HDHD5: variants seen among roughly 807,000 people sequenced by gnomAD.
HDHD5 encodes the protein haloacid dehalogenase-like hydrolase domain-containing 5.
Under a neutral mutation model 35.5 loss-of-function variants are expected in HDHD5, and 34 were observed. That is an observed-to-expected ratio of 0.96 (90% confidence interval 0.73 to 1.28). The LOEUF is 1.28. HDHD5 is among the 50% of genes most tolerant of loss of function. The pLI is 0.00. For synonymous variants in HDHD5, 248 were observed against 240.6 expected (o/e 1.03, Z -0.29); for missense variants, 589 against 560.2 (o/e 1.05, Z -0.52).
upstream of HDHD5, chr22:17,159,694 A>T: frequency 3.3e-6 from 1 of 305,258 alleles, no homozygotes; most frequent in South Asian, 2.3e-5. Context: ...CTGCCAGTCA[A>T]GGGACGCTCG....
intron 4 of HDHD5, chr22:17,143,346 G>A (rs1411726397): frequency 6.1e-6 from 3 of 492,296 alleles, no homozygotes; most frequent in East Asian, 7.2e-5. Flanking sequence ...AGAACAGGCA[G>A]GACACCATGG....
chr22:17,149,777 T>C lies in HDHD5; in HGVS notation c.127-32A>G, dbSNP rs201237956. ...AGATGGTAAGATAATTACCAGTACG[T>C]GAGTAACAAAGAAACAACCCTTACA... On this transcript the variant is annotated intron_variant, in intron 1 of 7. Coordinates refer to ENST00000336737, the MANE Select transcript of HDHD5 (RefSeq NM_033070.3). 1.8e-4 allele frequency: 294 copies of C among 1,590,526 alleles called. No individual in the cohort carries two copies. In the African/African-American group the frequency reaches 3.4e-3, roughly 18 times the overall value.
chr22:17,145,270 G>T, intron 3 of HDHD5, 153 bp from the exon 4 acceptor site: 1 of 817,402 alleles, frequency 1.2e-6, no homozygotes, highest in Non-Finnish European at 1.5e-6. Flanking sequence ...CACAAATCCT[G>T]CAGGTGCTGG....
At chr22:17,157,091 C>CACACACACACACAT (rs2061804437) in intron 1 of HDHD5, among the ~76,000 whole-genome samples, 1 of 78,074 alleles carries the variant, frequency 1.3e-5, no homozygotes, top group African/African-American at 5.3e-5. Context: ...CACATACACA[C>CACACACACACACAT]ACACACACAC....
upstream of HDHD5, among the ~76,000 whole-genome samples, chr22:17,161,582 G>T (rs1320934037): frequency 6.7e-6 from 1 of 149,966 alleles, no homozygotes; most frequent in Non-Finnish European, 1.5e-5. Context: ...AAAAAAGCTG[G>T]AGTTGGGTGG....
chr22:17,159,444 G>C, upstream of HDHD5: 1 of 598,220 alleles, frequency 1.7e-6, no homozygotes, highest in Non-Finnish European at 2.9e-6. Context: ...AAGAAGTGCG[G>C]GGTCCCGCCG....
chr22:17,142,875 C>A, intron 5 of HDHD5: 1 of 504,826 alleles, frequency 2.0e-6, no homozygotes. Context: ...CTAAAATTCT[C>A]TAAGCTTACG....
chr22:17,140,158 C>T (rs925932670), intron 6 of HDHD5, among the ~76,000 whole-genome samples: 10 of 152,232 alleles, frequency 6.6e-5, no homozygotes, highest in Admixed American at 3.3e-4. Context: ...CCTCTGCTGA[C>T]GAGCACTGTC....
At position 17,137,541 on chromosome 22, in the gene HDHD5, A is replaced by G. The variant is rs1297227650; in HGVS notation, c.*480T>C. 6.5e-6 allele frequency: 1 copy of G among 154,010 alleles called. No homozygotes were observed. Among genetic ancestry groups the G allele is most frequent in the East Asian group, 1.9e-4 (1 of 5,212 alleles). The allele number at this position is 154,010 out of a possible 1,614,324, so 9.5% of individuals were successfully genotyped here. A position where few individuals can be genotyped will look rare whatever the true frequency, so the allele number is the denominator to read the frequency against. On this transcript the variant is annotated 3_prime_UTR_variant, in exon 8 of 8. Coordinates refer to ENST00000336737, the MANE Select transcript of HDHD5 (RefSeq NM_033070.3). ...AGAGTCAGCATCATGAACATTTATT[A>G]TGATTATTTTATTTAAAAAAAAAGC...
chr22:17,153,991 G>C (rs995150836), intron 1 of HDHD5, among the ~76,000 whole-genome samples: 1 of 151,916 alleles, frequency 6.6e-6, no homozygotes, highest in Non-Finnish European at 1.5e-5. Context: ...AAGTAGCTGG[G>C]ACTATAGGTG....
At chr22:17,157,114 A>ACACACACACACACACACACAC (rs1555881519) in intron 1 of HDHD5, among the ~76,000 whole-genome samples, 4 of 148,194 alleles carry the variant, frequency 2.7e-5, no homozygotes, top group Non-Finnish European at 4.4e-5. Flanking sequence ...ACACACACAC[A>ACACACACACACACACACACAC]AAAGAAAAAA....
At chr22:17,140,586 G>A (rs1009476208) in intron 6 of HDHD5, among the ~76,000 whole-genome samples, 3 of 151,754 alleles carry the variant, frequency 2.0e-5, no homozygotes, top group African/African-American at 4.8e-5. Context: ...CACTGTCCCC[G>A]CAAAAAAAAC....
chr22:17,149,940 C>G (rs2061708077), intron 1 of HDHD5, among the ~76,000 whole-genome samples, 195 bp from the exon 2 acceptor site: 1 of 151,892 alleles, frequency 6.6e-6, no homozygotes, highest in African/African-American at 2.4e-5. Context: ...AATATAATCC[C>G]AACACTTATT....
Position 17,137,645 on chromosome 22 carries a change from GCC to G in HDHD5, c.*374_*375del. 1 of 196,326 alleles carries G rather than the reference GCC, an allele frequency of 5.1e-6. No individual in the cohort carries two copies. Among genetic ancestry groups the G allele is most frequent in the Admixed American group, 5.5e-5 (1 of 18,078 alleles). The allele number at this position is 196,326 out of a possible 1,614,324, so 12.2% of individuals were successfully genotyped here. ...AAGACACTCTGCCGACAGGCTGCAT[GCC>G]TTCAGTGCCGGCAAAGGCTCTGCAC... is the stretch of plus-strand genomic sequence containing the variant. On this transcript the variant is annotated 3_prime_UTR_variant, in exon 8 of 8. Coordinates refer to ENST00000336737, the MANE Select transcript of HDHD5 (RefSeq NM_033070.3).
upstream of HDHD5, chr22:17,159,286 GC>G (rs746678755): frequency 0.2 from 196,859 of 961,846 alleles, 1,338 homozygotes; most frequent in South Asian, 0.26. Flanking sequence ...ACGGCGTGCG[GC>G]CCCCCCCCCC....
In HDHD5 at chr22:17,152,770, G is replaced by T. The variant is rs547049618; in HGVS notation, c.127-3025C>A. Among the ~76,000 whole-genome samples, 5 of 152,176 alleles carry T rather than the reference G, an allele frequency of 3.3e-5. No individual in the cohort carries two copies. In the East Asian group the frequency reaches 9.6e-4, roughly 29 times the overall value. On this transcript the variant is annotated intron_variant, in intron 1 of 7. Transcript: ENST00000336737. ...AGCGTGTGGGGTCCAGGAAGCTGAG[G>T]TATGTCTCGGGTCCAGTAAAACAGG...
intron 3 of HDHD5, among the ~76,000 whole-genome samples, chr22:17,146,228 G>A (rs1422709514): frequency 6.6e-6 from 1 of 151,952 alleles, no homozygotes; most frequent in African/African-American, 2.4e-5. Context: ...CTGGGGCTCC[G>A]CTGTACCCCT....
intron 3 of HDHD5, among the ~76,000 whole-genome samples, chr22:17,146,384 G>A (rs5994178): frequency 0.091 from 13,035 of 143,336 alleles, 954 homozygotes; most frequent in African/African-American, 0.22. Flanking sequence ...TGAGCTTACC[G>A]GCCTTCGATC....
chr22:17,156,456 C>A (rs1275903274), intron 1 of HDHD5, among the ~76,000 whole-genome samples: 3 of 150,190 alleles, frequency 2.0e-5, no homozygotes, highest in African/African-American at 7.4e-5. Flanking sequence ...ACCAAAGATA[C>A]AAAAAATTAG....
Sources: allele counts gnomAD v4.1 joint callset (sites outside exome capture counted in the v4.1 genomes callset), GRCh38; gene constraint gnomAD v4.1.1; transcripts MANE v1.5; gene names NCBI Gene and HGNC (gene_info 2026-07-23, HGNC 2026-07-21).